Variants in CCM2 observed in about 807,000 individuals in gnomAD.
CCM2 encodes cerebral cavernous malformations 2 protein.
In CCM2, 25 loss-of-function variants were observed where a neutral mutation model predicts 44.9. The ratio of observed to expected loss-of-function variants is 0.56; its 90% confidence interval spans 0.41 to 0.78. The LOEUF (loss-of-function observed/expected upper bound fraction) is 0.78, where lower values mean the gene tolerates loss of function less well. CCM2 is among the 30% of genes least tolerant of loss of function. The pLI, the probability that CCM2 is intolerant of heterozygous loss-of-function variation, is 0.00. For synonymous variants in CCM2, 219 were observed against 241.1 expected (o/e 0.91, Z 0.85); for missense variants, 481 against 580.6 (o/e 0.83, Z 1.76).
intron 2 of CCM2, among the ~76,000 whole-genome samples, chr7:45,050,079 A>G (rs960734959): frequency 2.0e-5 from 3 of 152,244 alleles, no homozygotes; most frequent in African/African-American, 7.2e-5. Flanking sequence ...TCCATTGCCT[A>G]GTGACATAGC....
At chr7:44,999,814 TC>T, upstream of CCM2, 1 of 441,194 alleles carries the variant, frequency 2.3e-6, no homozygotes, top group South Asian at 1.6e-5. Flanking sequence ...CCGCGCGCGC[TC>T]CCGCGCGCGC....
chr7:45,029,821 A>G lies in CCM2; in HGVS notation c.31-8432A>G, dbSNP rs368312758. 4.6e-5 allele frequency among the ~76,000 whole-genome samples: 7 copies of G among 152,354 alleles called. No homozygotes were observed. The East Asian group carries it at 1.2e-3, about 25-fold the overall frequency. The stretch of plus-strand genomic sequence containing the variant: ...AGGGCATTCTCACTAGGTAAGCCCT[A>G]GTAGGCCAGATTTAGTTTTAGTTTT... On this transcript the variant is annotated intron_variant, in intron 1 of 9. Transcript: ENST00000258781.
chr7:45,011,227 A>C (rs1796054570), intron 1 of CCM2, among the ~76,000 whole-genome samples: 1 of 147,618 alleles, frequency 6.8e-6, no homozygotes, highest in African/African-American at 2.5e-5. Flanking sequence ...ACGGAGTCTC[A>C]CTCTTGTTGC....
intron 2 of CCM2, among the ~76,000 whole-genome samples, chr7:45,060,248 T>C (rs993110644): frequency 2.6e-5 from 4 of 152,254 alleles, no homozygotes; most frequent in Non-Finnish European, 2.9e-5. Flanking sequence ...TCCTCTCTCT[T>C]CTTGCTTGGA....
At chr7:45,072,883 A>AC in intron 7 of CCM2, 100 bp downstream of exon 7, 1 of 998,024 alleles carries the variant, frequency 1.0e-6, no homozygotes, top group Non-Finnish European at 1.6e-6. Flanking sequence ...ATCTCAGCTC[A>AC]CCCTCGCTAA....
intron 1 of CCM2, among the ~76,000 whole-genome samples, chr7:45,016,742 C>T (rs1360828842): frequency 1.3e-5 from 2 of 152,112 alleles, no homozygotes; most frequent in Non-Finnish European, 2.9e-5. Context: ...AAGCGATTCT[C>T]CTGCCTCAGC....
At chr7:45,018,841 C>T (rs961564605) in intron 1 of CCM2, among the ~76,000 whole-genome samples, 1 of 151,550 alleles carries the variant, frequency 6.6e-6, no homozygotes, top group African/African-American at 2.4e-5. Flanking sequence ...CTTACTGCAA[C>T]CTCTGCCTCC....
At chr7:45,000,547 A>G (rs981489838) in intron 1 of CCM2, among the ~76,000 whole-genome samples, 184 bp downstream of exon 1, 2 of 150,888 alleles carry the variant, frequency 1.3e-5, no homozygotes, top group Admixed American at 1.3e-4. Flanking sequence ...CCGGGCGGGC[A>G]GGAAGCGCCG....
At chr7:45,043,977 T>C (rs1266200957) in intron 2 of CCM2, among the ~76,000 whole-genome samples, 3 of 152,216 alleles carry the variant, frequency 2.0e-5, no homozygotes, top group Non-Finnish European at 4.4e-5. Flanking sequence ...ATTAGGATTA[T>C]TGTAAATTCT....
In CCM2 at chr7:45,008,397, T is replaced by C. The variant is rs186831211; in HGVS notation, c.30+8034T>C. On this transcript the variant is annotated intron_variant, in intron 1 of 9. Transcript: ENST00000258781. Reference sequence around the variant, plus strand: ...TTTTTTTTTTTTGAGACAGTTTTGCTCTTGCCCAGGCTGGAGTGCAGTGGC... The same window carrying C: ...TTTTTTTTTTTTGAGACAGTTTTGCCCTTGCCCAGGCTGGAGTGCAGTGGC... 1.1e-4 allele frequency among the ~76,000 whole-genome samples: 16 copies of C among 140,392 alleles called. No individual in the cohort carries two copies. The East Asian group carries it at 3.3e-3, about 29-fold the overall frequency. The allele number at this position is 140,392 out of a possible 152,430, so 92.1% of individuals were successfully genotyped here.
At chr7:45,004,260 G>T (rs1469543028) in intron 1 of CCM2, among the ~76,000 whole-genome samples, 2 of 152,078 alleles carry the variant, frequency 1.3e-5, no homozygotes, top group Non-Finnish European at 2.9e-5. Context: ...AATTTTGTTG[G>T]GTATGATAAT....
At chr7:45,040,144 C>T (rs1347678534) in intron 2 of CCM2, among the ~76,000 whole-genome samples, 3 of 151,988 alleles carry the variant, frequency 2.0e-5, no homozygotes. Context: ...CCTGTAATCC[C>T]AGCACTTTGG....
intron 1 of CCM2, among the ~76,000 whole-genome samples, chr7:45,011,801 C>T (rs1181476021): frequency 1.3e-5 from 2 of 152,216 alleles, no homozygotes; most frequent in Non-Finnish European, 2.9e-5. Context: ...ATCTGCCTGC[C>T]TTGGCCTCTC....
rs370599854 is a variant in CCM2, at chr7:45,060,305, A to G, written c.205-3613A>G. On this transcript the variant is annotated intron_variant, in intron 2 of 9. Coordinates refer to ENST00000258781, the MANE Select transcript of CCM2 (RefSeq NM_031443.4). ...GTGTCATTCTTGTTCTTGCCATTTT[A>G]TAGGTAGGATGTTTTTTTCCTGTGG... is the stretch of plus-strand genomic sequence containing the variant. Among the ~76,000 whole-genome samples the G allele has an allele frequency of 2.6e-5, 4 of 152,282 alleles. No homozygotes were observed. In the East Asian group the frequency reaches 7.7e-4, roughly 29 times the overall value.
chr7:45,064,150 G>T, intron 3 of CCM2, 149 bp downstream of exon 3: 1 of 653,584 alleles, frequency 1.5e-6, no homozygotes, highest in Non-Finnish European at 2.7e-6. Context: ...CTATTCCTTA[G>T]TATGGACATT....
At chr7:45,049,336 AAAG>A (rs1252897606) in intron 2 of CCM2, among the ~76,000 whole-genome samples, 1 of 152,222 alleles carries the variant, frequency 6.6e-6, no homozygotes, top group Non-Finnish European at 1.5e-5. Flanking sequence ...TTCTTGGTGA[AAAG>A]AAATCATGTG....
At chr7:45,066,946 G>A (rs1798807263) in intron 4 of CCM2, among the ~76,000 whole-genome samples, 1 of 151,420 alleles carries the variant, frequency 6.6e-6, no homozygotes, top group South Asian at 2.1e-4. Context: ...TGTTGCCCAG[G>A]CTGGAGTGTA....
intron 9 of CCM2, among the ~76,000 whole-genome samples, chr7:45,075,387 C>T (rs1348656394): frequency 6.6e-6 from 1 of 152,250 alleles, no homozygotes; most frequent in Non-Finnish European, 1.5e-5. Context: ...TTGCCGGGTG[C>T]CAGCAGGTGG....
intron 2 of CCM2, among the ~76,000 whole-genome samples, chr7:45,049,358 G>A (rs1797898107): frequency 1.3e-5 from 2 of 152,186 alleles, no homozygotes; most frequent in Admixed American, 6.5e-5. Flanking sequence ...TGCACCCTCC[G>A]TGGGAGGAAT....
Sources: gnomAD v4.1 joint callset for allele counts (sites outside exome capture counted in the v4.1 genomes callset) on GRCh38, gnomAD v4.1.1 for gene constraint, MANE v1.5 for transcripts, NCBI Gene and HGNC (gene_info 2026-07-23, HGNC 2026-07-21) for gene names.